ATAD3A: variants seen among roughly 807,000 people sequenced by gnomAD.
The protein encoded by ATAD3A is ATPase family AAA domain containing 3A, also known as ATPase family AAA domain-containing protein 3A.
A neutral mutation model predicts 73.8 loss-of-function variants in ATAD3A; 46 were observed. The observed-to-expected ratio is 0.62, with a 90% CI of 0.49 to 0.80. The LOEUF is 0.80. ATAD3A is among the 30% of genes least tolerant of loss of function. The pLI, the probability that ATAD3A is intolerant of heterozygous loss-of-function variation, is 0.00. For synonymous variants in ATAD3A, 319 were observed against 350.0 expected (o/e 0.91, Z 0.99); for missense variants, 705 against 838.0 (o/e 0.84, Z 1.96).
rs200238845 is a variant in ATAD3A, at chr1:1,523,855, G to A, written c.980G>A (p.Arg327Gln). Reference sequence around the variant, plus strand: ...CCCCGGCAGCCCAGCCTGGAAGCACGGGTGCGCGACATCGCCATAGCAACA... The same window carrying A: ...CCCCGGCAGCCCAGCCTGGAAGCACAGGTGCGCGACATCGCCATAGCAACA... ...GVVLSPSLEA[R>Q]VRDIAIATRN... The change falls in exon 10 of 16, where the codon CGG becomes CAG. Residue 327 changes from arginine (R) to glutamine (Q), a missense_variant. Transcript: ENST00000378756. This position sits in a 1 kb window ranked among gnomAD's most constrained non-coding sequence, Gnocchi z 5.1. The A allele has an allele frequency of 4.5e-5, 73 of 1,613,852 alleles. No individual in the cohort carries two copies. The highest frequency in any genetic ancestry group is 3.5e-4 in the African/African-American group (26 of 74,916).
chr1:1,520,098 G>A lies in ATAD3A; in HGVS notation c.515-43G>A, dbSNP rs754494248. ...CCACAGTGTGGGTGGAGGTGGACGC[G>A]CTGCACTGCATGGTGCTGAGCTGCC... On this transcript the variant is annotated intron_variant, in intron 5 of 15. Transcript: ENST00000378756. The surrounding 1 kb of genome is among the most constrained non-coding windows in gnomAD (Gnocchi z 4.0). 3.2e-6 allele frequency: 5 copies of A among 1,585,506 alleles called. No individual in the cohort carries two copies. Among genetic ancestry groups the A allele is most frequent in the African/African-American group, 2.7e-5 (2 of 73,972 alleles).
In ATAD3A at chr1:1,521,298, CAAAAAAAAAAAAAAA is replaced by C. The variant is rs1001385922; in HGVS notation, c.750+698_750+712del. On this transcript the variant is annotated intron_variant, in intron 7 of 15. Coordinates refer to ENST00000378756, the MANE Select transcript of ATAD3A (RefSeq NM_001170535.3). The stretch of plus-strand genomic sequence containing the variant: ...TGGGCCACATAGTGAGGCTTCTTCT[CAAAAAAAAAAAAAAA>C]AAAAAAAAAAAAAAAACCAGAAGGC... Among the ~76,000 whole-genome samples the C allele has an allele frequency of 2.4e-4, 6 of 25,350 alleles. 1 individual carries two copies. Among genetic ancestry groups the C allele is most frequent in the South Asian group, 6.2e-3 (2 of 324 alleles). 16.6% of individuals were successfully genotyped at this position (25,350 alleles called of 152,430 possible).
chr1:1,523,951 C>T lies in ATAD3A; in HGVS notation c.1076C>T (p.Thr359Met), dbSNP rs1346418902. ...TACGGGCCACCAGGCACCGGGAAGA[C>T]GCTGTTTGCCAAGGTGAGAGCGCCT... The part of the protein sequence containing the change: ...LMYGPPGTGK[T>M]LFAKKLALHS... The change falls in exon 10 of 16, where the codon ACG (threonine) becomes ATG (methionine). Residue 359 changes from threonine to methionine, a missense_variant. Physicochemically the swap from Thr to Met is moderately conservative, Grantham distance 81. Transcript: ENST00000378756. The surrounding 1 kb of genome is among the most constrained non-coding windows in gnomAD (Gnocchi z 5.1). 3.1e-6 allele frequency: 5 copies of T among 1,613,928 alleles called. No homozygotes were observed. The highest frequency in any genetic ancestry group is 3.4e-6 in the Non-Finnish European group (4 of 1,179,994).
chr1:1,532,810 G>A (rs952416297), intron 15 of ATAD3A, among the ~76,000 whole-genome samples: 295 of 152,110 alleles, frequency 1.9e-3, no homozygotes, highest in Non-Finnish European at 3.4e-3. Flanking sequence ...GTGCGGCTCT[G>A]GTCAGTGTCT....
intron 13 of ATAD3A, chr1:1,527,056 T>C (rs1371554966): frequency 1.0e-5 from 7 of 700,188 alleles, no homozygotes; most frequent in South Asian, 1.8e-5. Flanking sequence ...CTCTGTGGGC[T>C]GCCGCCCAGA....
At chr1:1,524,705 C>T (rs940874869) in intron 11 of ATAD3A, among the ~76,000 whole-genome samples, 13 of 138,306 alleles carry the variant, frequency 9.4e-5, no homozygotes, top group African/African-American at 2.3e-4. Context: ...CAGCCGCCCT[C>T]CCCCCAACAC....
intron 5 of ATAD3A, among the ~76,000 whole-genome samples, chr1:1,519,922 G>GAGTGGGT (rs1205604851): frequency 6.6e-6 from 1 of 152,266 alleles, no homozygotes; most frequent in South Asian, 2.1e-4. Context: ...TAGCCTATTG[G>GAGTGGGT]CGGCGTGGGC....
In ATAD3A at chr1:1,520,586, T is replaced by G; in HGVS notation, c.719T>G (p.Phe240Cys). The change falls in exon 7 of 16, where the codon TTT becomes TGT. Residue 240 changes from phenylalanine (F) to cysteine (C), a missense_variant. Physicochemically the swap from Phe to Cys is radical, Grantham distance 205. Coordinates refer to ENST00000378756, the MANE Select transcript of ATAD3A (RefSeq NM_001170535.3). The surrounding 1 kb of genome is among the most constrained non-coding windows in gnomAD (Gnocchi z 4.0). ...TTGTTTGGGGAAGGATTCCGTGCCT[T>G]TGTGACAGACTGGGACAAAGTGACA... ...GTLFGEGFRAFVTDWDKVTAT... is the reference protein window; with the variant it reads ...GTLFGEGFRACVTDWDKVTAT... 3 of 1,613,810 alleles carry G rather than the reference T, an allele frequency of 1.9e-6. No individual in the cohort carries two copies. The highest frequency in any genetic ancestry group is 2.5e-6 in the Non-Finnish European group (3 of 1,179,890).
At chr1:1,526,597 C>T in intron 13 of ATAD3A, 66 bp downstream of exon 13, 1 of 1,609,840 alleles carries the variant, frequency 6.2e-7, no homozygotes, top group Non-Finnish European at 8.5e-7. Context: ...TTGGTTCCCA[C>T]CGAGGGACCT....
intron 15 of ATAD3A, among the ~76,000 whole-genome samples, chr1:1,531,642 G>C (rs1191578699): frequency 6.6e-6 from 1 of 150,972 alleles, no homozygotes; most frequent in Non-Finnish European, 1.5e-5. Flanking sequence ...GCCAGATGTG[G>C]TGGCGGGTGC....
At position 1,516,029 on chromosome 1, in the gene ATAD3A, C is replaced by T; in HGVS notation, c.223C>T (p.Leu75=). 1.2e-6 allele frequency: 2 copies of T among 1,614,058 alleles called. No individual in the cohort carries two copies. Among genetic ancestry groups the T allele is most frequent in the East Asian group, 2.2e-5 (1 of 44,886 alleles). Residue 75 remains leucine, a synonymous_variant, in exon 2 of 16, where the codon CTG becomes TTG. Coordinates refer to ENST00000378756, the MANE Select transcript of ATAD3A (RefSeq NM_001170535.3). The part of the protein sequence containing the change: ...LEHSRYAKDA[L]NLAQMQEQTL... ...GTCTGCAGGTTATGCCAAGGACGCC[C>T]TGAATCTGGCACAGATGCAGGAGCA...
chr1:1,533,959 A>G lies in ATAD3A; in HGVS notation c.1648A>G (p.Thr550Ala). Residue 550 changes from threonine to alanine, a missense_variant, in exon 16 of 16, where the codon ACC becomes GCC. Physicochemically the swap from Thr to Ala is moderately conservative, Grantham distance 58 (BLOSUM62 0). Around this residue, in one of 5 missense-constraint regions of ATAD3A, gnomAD observed 252 missense variants for 278.5 expected, o/e 0.90. Coordinates refer to ENST00000378756, the MANE Select transcript of ATAD3A (RefSeq NM_001170535.3). Reference protein sequence around the residue: ...TAYASEDGVLTEAMMDTRVQD... With the variant: ...TAYASEDGVLAEAMMDTRVQD... ...GTATGCCTCCGAGGACGGGGTCCTG[A>G]CCGAGGCCATGATGGACACCCGCGT... 1 of 1,613,228 alleles carries G rather than the reference A, an allele frequency of 6.2e-7. No homozygotes were observed. The highest frequency in any genetic ancestry group is 8.5e-7 in the Non-Finnish European group (1 of 1,179,906).
rs372052225 is a variant in ATAD3A, at chr1:1,526,510, G to A, written c.1316G>A (p.Arg439His). The change falls in exon 13 of 16, where the codon CGC (arginine) becomes CAC (histidine). Residue 439 changes from arginine (R) to histidine (H), a missense_variant. Physicochemically the swap from Arg to His is conservative, Grantham distance 29. Around this residue, in one of 5 missense-constraint regions of ATAD3A, gnomAD observed 252 missense variants for 278.5 expected, o/e 0.90. Transcript: ENST00000378756. ...GCCACACTGAACGCCTTCCTGTACC[G>A]CACGGGCCAGCACAGCAACAAGTGA... ...LRATLNAFLY[R>H]TGQHSNKFML... 1.5e-5 allele frequency: 24 copies of A among 1,612,242 alleles called. No individual in the cohort carries two copies. Among genetic ancestry groups the A allele is most frequent in the Admixed American group, 5.0e-5 (3 of 59,870 alleles).
intron 2 of ATAD3A, among the ~76,000 whole-genome samples, chr1:1,516,627 G>T (rs1211674142): frequency 6.6e-6 from 1 of 151,932 alleles, no homozygotes; most frequent in Non-Finnish European, 1.5e-5. Flanking sequence ...TGGCCAGCCT[G>T]GTCTTGAACT....
intron 1 of ATAD3A, among the ~76,000 whole-genome samples, chr1:1,515,543 C>T (rs528361288): frequency 1.6e-4 from 24 of 152,272 alleles, no homozygotes; most frequent in East Asian, 9.6e-4. Context: ...TAACTGAGGA[C>T]GTTGTCAGAT....
rs778919180 is a variant in ATAD3A at position 1,518,918 on chromosome 1, C to A, written c.445-3C>A. The A allele has an allele frequency of 1.2e-6, 2 of 1,614,024 alleles. No homozygotes were observed. Among genetic ancestry groups the A allele is most frequent in the East Asian group, 2.2e-5 (1 of 44,892 alleles). ...TTTCTCTTTTTCTGCGGCTTCTTCT[C>A]AGCAACTTCTCAATGAGGAGAATTT... On this transcript the variant is annotated splice_region_variant and splice_polypyrimidine_tract_variant and intron_variant, in intron 4 of 15. Coordinates refer to ENST00000378756, the MANE Select transcript of ATAD3A (RefSeq NM_001170535.3).
In ATAD3A at chr1:1,529,305, A is replaced by G. The variant is rs766623034; in HGVS notation, c.1588A>G (p.Ile530Val). 1.1e-4 allele frequency: 184 copies of G among 1,600,456 alleles called. No individual in the cohort carries two copies. The highest frequency in any genetic ancestry group is 5.0e-4 in the Middle Eastern group (3 of 6,030). ...GACGGAGGGCATGTCGGGCCGGGAG[A>G]TCGCTCAGCTGGCCGTGTCCTGGCA... ...RLTEGMSGRE[I>V]AQLAVSWQAT... is the part of the protein sequence containing the mutation. The change falls in exon 15 of 16, where the codon ATC becomes GTC. Residue 530 changes from isoleucine to valine, a missense_variant. By Grantham distance (29) the Ile-to-Val change is conservative. Transcript: ENST00000378756.
chr1:1,526,081 G>A (rs762043591), intron 12 of ATAD3A, among the ~76,000 whole-genome samples: 34 of 151,106 alleles, frequency 2.3e-4, no homozygotes, highest in Non-Finnish European at 4.3e-4. Flanking sequence ...GGAGTGCAGC[G>A]GTGCAATTTC....
At position 1,534,147 on chromosome 1, in the gene ATAD3A, A is replaced by G; in HGVS notation, c.*75A>G. 1.2e-5 allele frequency: 20 copies of G among 1,604,966 alleles called. No homozygotes were observed. Among genetic ancestry groups the G allele is most frequent in the Non-Finnish European group, 1.6e-5 (19 of 1,175,758 alleles). On this transcript the variant is annotated 3_prime_UTR_variant, in exon 16 of 16. Transcript: ENST00000378756. ...ACCCCTGCCTTGCCGGCCCCTGCAC[A>G]TTTAGGATATGCTCCTGGGTGGGGA... is the stretch of plus-strand genomic sequence containing the variant.
Sources: gnomAD v4.1 joint callset for allele counts (sites outside exome capture counted in the v4.1 genomes callset) on GRCh38, gnomAD v4.1.1 for gene constraint, gnomAD v4.1.1 regional missense constraint, Gnocchi (gnomAD v3.1) non-coding constraint, MANE v1.5 for transcripts, NCBI Gene and HGNC (gene_info 2026-07-23, HGNC 2026-07-21) for gene names.